The following MGST2 variants were observed in gnomAD, a reference collection of about 807,000 sequenced individuals.
MGST2 encodes glutathione peroxidase MGST2.
A neutral mutation model predicts 16.6 loss-of-function variants in MGST2; 9 were observed. The observed-to-expected ratio is 0.54, with a 90% confidence interval of 0.33 to 0.95. MGST2 has a LOEUF of 0.95. Among genes scored for constraint, MGST2 ranks in the 40% least tolerant of loss-of-function variants. The pLI is 0.03. For synonymous variants in MGST2, 79 were observed against 68.0 expected (o/e 1.16, Z -0.79); for missense variants, 159 against 175.1 (o/e 0.91, Z 0.52).
At chr4:139,705,419 A>G (rs938213619), downstream of MGST2, among the ~76,000 whole-genome samples, 2 of 152,174 alleles carry the variant, frequency 1.3e-5, no homozygotes, top group Admixed American at 6.5e-5. Flanking sequence ...AGTTAGTATG[A>G]AATGTCATGG....
chr4:139,669,000 G>C (rs968153693), intron 1 of MGST2, among the ~76,000 whole-genome samples: 1 of 152,108 alleles, frequency 6.6e-6, no homozygotes, highest in Non-Finnish European at 1.5e-5. Context: ...TTTGACAAAG[G>C]CCTGTGAAAT....
chr4:139,697,021 T>A (rs949110632), intron 3 of MGST2, among the ~76,000 whole-genome samples: 1 of 152,098 alleles, frequency 6.6e-6, no homozygotes, highest in African/African-American at 2.4e-5. Context: ...ATCAAAAGAA[T>A]GTTAGAAGGT....
rs575297004 is a variant in MGST2, at chr4:139,670,707, G to A, written c.58+4630G>A. Reference sequence around the variant, plus strand: ...GTGGGTAGATCACTTAAGCCCAGGAGTTCAAGACCAGCCTGGGCAACATGA... The same window carrying A: ...GTGGGTAGATCACTTAAGCCCAGGAATTCAAGACCAGCCTGGGCAACATGA... On this transcript the variant is annotated intron_variant, in intron 1 of 4. Coordinates refer to ENST00000265498, the MANE Select transcript of MGST2 (RefSeq NM_002413.5). Among the ~76,000 whole-genome samples the A allele has an allele frequency of 1.7e-3, 260 of 152,166 alleles. 1 individual carries two copies. The highest frequency in any genetic ancestry group is 5.6e-3 in the South Asian group (27 of 4,824).
At chr4:139,686,122 T>C (rs56682844) in intron 2 of MGST2, among the ~76,000 whole-genome samples, 2 of 152,260 alleles carry the variant, frequency 1.3e-5, no homozygotes, top group East Asian at 3.9e-4. Flanking sequence ...AAGAAATACA[T>C]TGGTTTTGTC....
intron 1 of MGST2, among the ~76,000 whole-genome samples, chr4:139,667,862 A>G (rs4863671): frequency 0.58 from 86,914 of 150,962 alleles, 26,807 homozygotes; most frequent in East Asian, 0.86. Flanking sequence ...ATCTCAAAGA[A>G]AAAAAAAAGA....
chr4:139,702,843 G>GTT (rs1727325108), intron 3 of MGST2, among the ~76,000 whole-genome samples: 1 of 27,646 alleles, frequency 3.6e-5, no homozygotes, highest in Non-Finnish European at 1.3e-4. Context: ...TTGTGTTACT[G>GTT]GTTTTTTTTT....
At chr4:139,703,268 G>A (rs1727372303) in intron 3 of MGST2, among the ~76,000 whole-genome samples, 187 bp from the exon 4 acceptor site, 1 of 152,038 alleles carries the variant, frequency 6.6e-6, no homozygotes, top group African/African-American at 2.4e-5. Flanking sequence ...GTTGAATCAT[G>A]TTGAAACATT....
At chr4:139,677,544 C>T (rs1032264464) in intron 1 of MGST2, among the ~76,000 whole-genome samples, 1 of 151,390 alleles carries the variant, frequency 6.6e-6, no homozygotes, top group Non-Finnish European at 1.5e-5. Flanking sequence ...TCTTGTTGTC[C>T]AGGCTGGAGT....
chr4:139,737,469 G>C (rs892059931), intron 5 of MGST2, among the ~76,000 whole-genome samples: 3 of 152,104 alleles, frequency 2.0e-5, no homozygotes, highest in East Asian at 3.9e-4. Context: ...AAATGGGAAG[G>C]GGGTGGGGAG....
intron 1 of MGST2, among the ~76,000 whole-genome samples, chr4:139,675,343 G>A (rs959024866): frequency 7.9e-5 from 12 of 152,112 alleles, no homozygotes; most frequent in African/African-American, 2.9e-4. Flanking sequence ...AGGAAGTTAA[G>A]GACAGGAGGC....
chr4:139,679,718 G>C (rs974073069), intron 2 of MGST2, among the ~76,000 whole-genome samples: 3 of 152,114 alleles, frequency 2.0e-5, no homozygotes, highest in Non-Finnish European at 2.9e-5. Flanking sequence ...TTGAAAGCGT[G>C]GGGTGAATAC....
At chr4:139,719,933 A>T in intron 5 of MGST2, 1 of 1,614,030 alleles carries the variant, frequency 6.2e-7, no homozygotes, top group Non-Finnish European at 8.5e-7. Flanking sequence ...GGCCTGGCCT[A>T]CTGGCCCTTT....
rs547167406 is a variant in MGST2 at position 139,735,321 on chromosome 4, T to A, written c.*49-4891T>A. On this transcript the variant is annotated intron_variant, in intron 5 of 5. Coordinates refer to the MGST2 transcript ENST00000616265. The surrounding 1 kb of genome is among the most constrained non-coding windows in gnomAD (Gnocchi z 5.8). ...GTATCTCTGGGGTTATCTGCCCCCC[T>A]CCTCCGACTGACACTGAACTGGTTT... is the stretch of plus-strand genomic sequence containing the variant. Among the ~76,000 whole-genome samples, 1 of 152,212 alleles carries A rather than the reference T, an allele frequency of 6.6e-6. No individual in the cohort carries two copies. Among genetic ancestry groups the A allele is most frequent in the Non-Finnish European group, 1.5e-5 (1 of 68,014 alleles).
chr4:139,665,842 C>G lies in MGST2; in HGVS notation c.-178C>G, dbSNP rs1374961250. 1 of 691,438 alleles carries G rather than the reference C, an allele frequency of 1.4e-6. No individual in the cohort carries two copies. The highest frequency in any genetic ancestry group is 1.8e-5 in the African/African-American group (1 of 56,974). The allele number at this position is 691,438 out of a possible 1,614,324, so 42.8% of individuals were successfully genotyped here. ...CCATAAAGATCTGTGACCGGCAGCCCCAGACCTGCCTGCCTTCCTGACTTC... is the reference window on the plus strand; with the variant it reads ...CCATAAAGATCTGTGACCGGCAGCCGCAGACCTGCCTGCCTTCCTGACTTC... On this transcript the variant is annotated 5_prime_UTR_variant, in exon 1 of 5. Transcript: ENST00000265498.
At chr4:139,679,393 G>C (rs1731126261) in intron 2 of MGST2, among the ~76,000 whole-genome samples, 1 of 152,138 alleles carries the variant, frequency 6.6e-6, no homozygotes. Context: ...GTCTCATTTT[G>C]ATACAGATGA....
At chr4:139,668,096 T>G (rs575980448) in intron 1 of MGST2, among the ~76,000 whole-genome samples, 11 of 152,266 alleles carry the variant, frequency 7.2e-5, no homozygotes, top group South Asian at 6.2e-4. Context: ...CAACTGGAAG[T>G]GGGGCATGGG....
intron 4 of MGST2, 81 bp from the exon 5 acceptor site, chr4:139,703,935 A>G (rs553464471): frequency 6.4e-7 from 1 of 1,572,274 alleles, no homozygotes; most frequent in South Asian, 1.1e-5. Flanking sequence ...AGTGTTAACG[A>G]TAGGACAGCC....
intron 5 of MGST2, chr4:139,725,979 A>C: frequency 1.5e-6 from 1 of 677,590 alleles, no homozygotes; most frequent in Non-Finnish European, 2.6e-6. Context: ...AGGCAAGTGC[A>C]CAAAGTCTAA....
Position 139,671,626 on chromosome 4 carries a change from G to A in MGST2, c.58+5549G>A, listed in dbSNP as rs951270676. 3.3e-5 allele frequency among the ~76,000 whole-genome samples: 5 copies of A among 151,194 alleles called. No individual in the cohort carries two copies. In the South Asian group the frequency reaches 6.3e-4, roughly 19 times the overall value. ...GGACTACAGGTGCGCCACCATGCCC[G>A]GCTAATTTTTGTTGTTGTTCTTTTT... On this transcript the variant is annotated intron_variant, in intron 1 of 4. Coordinates refer to ENST00000265498, the MANE Select transcript of MGST2 (RefSeq NM_002413.5).
Sources: allele counts gnomAD v4.1 joint callset (sites outside exome capture counted in the v4.1 genomes callset), GRCh38; gene constraint gnomAD v4.1.1; non-coding constraint Gnocchi (gnomAD v3.1); transcripts MANE v1.5; gene names NCBI Gene and HGNC (gene_info 2026-07-23, HGNC 2026-07-21).